MMP20: variants seen among roughly 807,000 people sequenced by gnomAD.
MMP20 encodes matrix metallopeptidase 20.
Under a neutral mutation model 51.8 loss-of-function variants are expected in MMP20, and 50 were observed. That is an observed-to-expected ratio of 0.97 (90% CI 0.77 to 1.22). MMP20 has a LOEUF of 1.22. MMP20 is among the 50% of genes most tolerant of loss of function. The probability of loss-of-function intolerance (pLI) is 0.00; values close to 1 mark genes in which losing one functional copy is unlikely to be tolerated. For synonymous variants in MMP20, 244 were observed against 216.2 expected (o/e 1.13, Z -1.13); for missense variants, 663 against 601.4 (o/e 1.10, Z -1.07).
intron 2 of MMP20, among the ~76,000 whole-genome samples, chr11:102,615,528 T>G (rs1347674886): frequency 6.6e-6 from 1 of 152,112 alleles, no homozygotes; most frequent in Non-Finnish European, 1.5e-5. Flanking sequence ...CCAGTTATCA[T>G]CTAGATGTGC....
intron 9 of MMP20, 26 bp downstream of exon 9, chr11:102,579,013 A>G: frequency 6.6e-7 from 1 of 1,520,320 alleles, no homozygotes; most frequent in Non-Finnish European, 9.1e-7. Flanking sequence ...GTTTTCATGA[A>G]GAAAGTTTTC....
At chr11:102,610,157 T>G in intron 3 of MMP20, 127 bp from the exon 4 acceptor site, 1 of 1,091,176 alleles carries the variant, frequency 9.2e-7, no homozygotes, top group Non-Finnish European at 1.3e-6. Context: ...AGTATTTATT[T>G]GTTATAATGG....
intron 6 of MMP20, among the ~76,000 whole-genome samples, chr11:102,604,892 A>G (rs1158324462): frequency 2.0e-5 from 3 of 152,216 alleles, no homozygotes; most frequent in Non-Finnish European, 4.4e-5. Flanking sequence ...CCCTACTCCC[A>G]TATGTACAAT....
At chr11:102,594,553 C>T in intron 7 of MMP20, 68 bp downstream of exon 7, 2 of 1,595,834 alleles carry the variant, frequency 1.3e-6, no homozygotes, top group Non-Finnish European at 1.7e-6. Flanking sequence ...GCTGGCAGGG[C>T]TAGATATGCC....
At chr11:102,588,267 G>C (rs1459342933) in intron 8 of MMP20, among the ~76,000 whole-genome samples, 1 of 151,622 alleles carries the variant, frequency 6.6e-6, no homozygotes, top group Admixed American at 6.6e-5. Context: ...TGTTATTATT[G>C]TTATACCTAT....
chr11:102,584,171 A>G (rs747886356), intron 8 of MMP20, among the ~76,000 whole-genome samples: 3 of 152,176 alleles, frequency 2.0e-5, no homozygotes, highest in Non-Finnish European at 4.4e-5. Flanking sequence ...GGGTCAAATG[A>G]TAATTCTATG....
At chr11:102,622,609 G>A (rs1859764941) in intron 1 of MMP20, among the ~76,000 whole-genome samples, 1 of 152,084 alleles carries the variant, frequency 6.6e-6, no homozygotes, top group Non-Finnish European at 1.5e-5. Context: ...GCAACACTCT[G>A]TCATCCTGAT....
At chr11:102,579,174 A>C in intron 8 of MMP20, 32 bp from the exon 9 acceptor site, 1 of 1,483,436 alleles carries the variant, frequency 6.7e-7, no homozygotes, top group Non-Finnish European at 9.4e-7. Flanking sequence ...AAATAATATT[A>C]CTAAGAGGTT....
intron 8 of MMP20, among the ~76,000 whole-genome samples, chr11:102,591,450 A>T (rs1396004197): frequency 1.3e-5 from 2 of 152,210 alleles, no homozygotes; most frequent in Non-Finnish European, 2.9e-5. Flanking sequence ...TTAAGAAATT[A>T]TTTGTTAGTT....
chr11:102,618,741 A>G (rs1051372102), intron 1 of MMP20, among the ~76,000 whole-genome samples: 4 of 152,208 alleles, frequency 2.6e-5, no homozygotes, highest in African/African-American at 9.7e-5. Flanking sequence ...AATGTTGATT[A>G]TGTCTGGGTA....
chr11:102,606,793 T>C (rs1859523967), intron 5 of MMP20, 117 bp from the exon 6 acceptor site: 2 of 1,268,524 alleles, frequency 1.6e-6, no homozygotes, highest in Non-Finnish European at 2.3e-6. Context: ...ATCATGATCA[T>C]GGCTGTTGAG....
intron 3 of MMP20, among the ~76,000 whole-genome samples, chr11:102,611,201 G>T (rs566181647): frequency 1.3e-5 from 2 of 152,308 alleles, no homozygotes; most frequent in East Asian, 3.9e-4. Context: ...TATCTGAGGA[G>T]GGTGAGCAAT....
intron 6 of MMP20, 106 bp from the exon 7 acceptor site, chr11:102,594,863 T>A: frequency 7.1e-7 from 1 of 1,403,914 alleles, no homozygotes; most frequent in South Asian, 1.3e-5. Flanking sequence ...ACTCACTAAA[T>A]GCCCTTTGCT....
At chr11:102,586,690 G>A (rs926675876) in intron 8 of MMP20, among the ~76,000 whole-genome samples, 2 of 152,048 alleles carry the variant, frequency 1.3e-5, no homozygotes, top group African/African-American at 4.8e-5. Flanking sequence ...GGTGGCGGGT[G>A]CCTGTAGTCT....
In MMP20 at chr11:102,606,819, G is replaced by T. The variant is rs1859524386; in HGVS notation, c.812-143C>A. The T allele has an allele frequency of 1.1e-5, 10 of 944,648 alleles. No individual in the cohort carries two copies. The South Asian group carries it at 1.3e-4, about 12-fold the overall frequency. The allele number at this position is 944,648 out of a possible 1,614,324, so 58.5% of individuals were successfully genotyped here. Reference sequence around the variant, plus strand: ...GGCTGTTGAGGGCAGGTATGGGTTTGAGTCCCGGCTCTCCTGGTTGCTGAG... The same window carrying T: ...GGCTGTTGAGGGCAGGTATGGGTTTTAGTCCCGGCTCTCCTGGTTGCTGAG... On this transcript the variant is annotated intron_variant, in intron 5 of 9. Coordinates refer to ENST00000260228, the MANE Select transcript of MMP20 (RefSeq NM_004771.4).
intron 2 of MMP20, among the ~76,000 whole-genome samples, chr11:102,616,589 G>T (rs1247470179): frequency 6.6e-6 from 1 of 152,126 alleles, no homozygotes; most frequent in African/African-American, 2.4e-5. Context: ...AAAATTGTTT[G>T]GAATGCCTAA....
At chr11:102,618,448 A>G (rs1299806526) in intron 1 of MMP20, among the ~76,000 whole-genome samples, 2 of 151,710 alleles carry the variant, frequency 1.3e-5, no homozygotes, top group African/African-American at 4.8e-5. Flanking sequence ...TAAAGATAAT[A>G]AGTAATTGGG....
At chr11:102,594,941 T>C (rs1227766931) in intron 6 of MMP20, among the ~76,000 whole-genome samples, 184 bp from the exon 7 acceptor site, 1 of 150,412 alleles carries the variant, frequency 6.6e-6, no homozygotes, top group Non-Finnish European at 1.5e-5. Context: ...AGTCTTGCTG[T>C]TTGGCCCAGG....
At chr11:102,604,793 C>T (rs987860610) in intron 6 of MMP20, among the ~76,000 whole-genome samples, 1 of 151,988 alleles carries the variant, frequency 6.6e-6, no homozygotes, top group Non-Finnish European at 1.5e-5. Context: ...AATTAAAATC[C>T]GTTGACAGGA....
Sources: allele counts gnomAD v4.1 joint callset (sites outside exome capture counted in the v4.1 genomes callset), GRCh38; gene constraint gnomAD v4.1.1; transcripts MANE v1.5; gene names NCBI Gene and HGNC (gene_info 2026-07-23, HGNC 2026-07-21).